The following CFAP44 variants were observed in gnomAD, a reference collection of about 807,000 sequenced individuals.
CFAP44 encodes the protein cilia and flagella associated protein 44.
CFAP44 carries 134 observed loss-of-function variants against 216.2 expected under a neutral mutation model. The observed-to-expected ratio is 0.62, with a 90% CI of 0.54 to 0.72. The LOEUF (loss-of-function observed/expected upper bound fraction) is 0.72, where lower values mean the gene tolerates loss of function less well. Ranked by LOEUF, CFAP44 falls within the 30% of genes least tolerant of loss-of-function variation. The pLI, the probability that CFAP44 is intolerant of heterozygous loss-of-function variation, is 0.00. For missense variants in CFAP44, 2,035 were observed against 2,182.1 expected, an observed-to-expected ratio of 0.93 and a Z score of 1.34; for synonymous variants, 700 against 727.6, an observed-to-expected ratio of 0.96 and a Z score of 0.61.
At chr3:113,422,362 A>G (rs1212954770) in intron 4 of CFAP44, among the ~76,000 whole-genome samples, 1 of 152,214 alleles carries the variant, frequency 6.6e-6, no homozygotes, top group African/African-American at 2.4e-5. Context: ...CAAGAAGAAA[A>G]TGTAGAATGT....
In CFAP44 at chr3:113,406,920, T is replaced by A; in HGVS notation, c.1005+7A>T. On this transcript the variant is annotated splice_region_variant and intron_variant, in intron 8 of 34. Coordinates refer to ENST00000393845, the MANE Select transcript of CFAP44 (RefSeq NM_001164496.2). Reference sequence around the variant, plus strand: ...TTTTAATATTGTAGAATAGTAGCTGTACTCACCTTCCCATCTGGGAGCTCC... The same window carrying A: ...TTTTAATATTGTAGAATAGTAGCTGAACTCACCTTCCCATCTGGGAGCTCC... 1 of 1,599,980 alleles carries A rather than the reference T, an allele frequency of 6.3e-7. No homozygotes were observed. The highest frequency in any genetic ancestry group is 8.6e-7 in the Non-Finnish European group (1 of 1,167,184).
chr3:113,429,054 A>C (rs1935035586), intron 2 of CFAP44: 1 of 152,166 alleles, frequency 6.6e-6, no homozygotes, highest in African/African-American at 2.4e-5. Flanking sequence ...GCACATACAG[A>C]AAAATCCGTA....
chr3:113,400,442 T>C (rs1447879083), intron 12 of CFAP44, 103 bp downstream of exon 12: 7 of 1,031,666 alleles, frequency 6.8e-6, no homozygotes, highest in South Asian at 2.4e-5. Context: ...GCTCCCCTTT[T>C]GGGAAAATCC....
chr3:113,382,974 G>T (rs1381341607), intron 15 of CFAP44, among the ~76,000 whole-genome samples: 1 of 152,234 alleles, frequency 6.6e-6, no homozygotes, highest in African/African-American at 2.4e-5. Context: ...CGATTTCATG[G>T]ATTATGTCCA....
chr3:113,307,333 A>T (rs1172009924), intron 29 of CFAP44, among the ~76,000 whole-genome samples: 1 of 152,228 alleles, frequency 6.6e-6, no homozygotes, highest in Non-Finnish European at 1.5e-5. Context: ...ATCAACTGTC[A>T]ATTGTCTGCA....
chr3:113,341,603 T>C, intron 24 of CFAP44, 141 bp downstream of exon 24: 1 of 1,015,798 alleles, frequency 9.8e-7, no homozygotes, highest in Non-Finnish European at 1.3e-6. Context: ...GACCTGTTTA[T>C]AATATCTCCT....
intron 17 of CFAP44, among the ~76,000 whole-genome samples, chr3:113,378,103 T>C (rs975087957): frequency 2.6e-5 from 4 of 152,164 alleles, no homozygotes; most frequent in Non-Finnish European, 1.5e-5. Flanking sequence ...CTCGAACTCT[T>C]GGGCTCAAGC....
chr3:113,314,504 C>T (rs1173637109), intron 28 of CFAP44, among the ~76,000 whole-genome samples: 1 of 152,096 alleles, frequency 6.6e-6, no homozygotes, highest in Non-Finnish European at 1.5e-5. Context: ...TTGTCACCAG[C>T]ATGCCTATCC....
At chr3:113,404,089 G>T in intron 8 of CFAP44, 73 bp from the exon 9 acceptor site, 1 of 1,370,266 alleles carries the variant, frequency 7.3e-7, no homozygotes. Flanking sequence ...CAAATAGTAG[G>T]TGAAAATTAT....
At chr3:113,384,391 T>C (rs182128817) in intron 15 of CFAP44, among the ~76,000 whole-genome samples, 1 of 151,994 alleles carries the variant, frequency 6.6e-6, no homozygotes, top group Non-Finnish European at 1.5e-5. Context: ...TGAGCTCTTA[T>C]AGTTGTTATG....
At chr3:113,320,452 TTACATCTATATATC>T (rs1221765229) in intron 28 of CFAP44, among the ~76,000 whole-genome samples, 1 of 112,556 alleles carries the variant, frequency 8.9e-6, no homozygotes, top group African/African-American at 3.2e-5. Context: ...ATGATATATA[TTACATCTATATATC>T]ATATATGATA....
chr3:113,433,767 G>T, intron 1 of CFAP44, 98 bp from the exon 2 acceptor site: 2 of 943,310 alleles, frequency 2.1e-6, no homozygotes, highest in Non-Finnish European at 3.4e-6. Context: ...AACACCATGT[G>T]TGTCAATAAT....
chr3:113,291,505 C>T lies in CFAP44; in HGVS notation c.*52G>A. On this transcript the variant is annotated 3_prime_UTR_variant, in exon 35 of 35. Coordinates refer to ENST00000393845, the MANE Select transcript of CFAP44 (RefSeq NM_001164496.2). ...TGTTGGAGGTGATGAGGAGACAGAA[C>T]TTCCAGTGAGTTATGTCAGAAATCT... The T allele has an allele frequency of 6.6e-7, 1 of 1,513,750 alleles. No individual in the cohort carries two copies. The highest frequency in any genetic ancestry group is 1.7e-4 in the Middle Eastern group (1 of 5,884). The allele number at this position is 1,513,750 out of a possible 1,614,324, so 93.8% of individuals were successfully genotyped here.
At chr3:113,335,290 C>T (rs1290135107) in intron 24 of CFAP44, among the ~76,000 whole-genome samples, 1 of 152,122 alleles carries the variant, frequency 6.6e-6, no homozygotes, top group Admixed American at 6.5e-5. Flanking sequence ...TCCTGGCTGC[C>T]GCAGAGAGGA....
chr3:113,414,916 G>C (rs543924015), intron 6 of CFAP44, among the ~76,000 whole-genome samples: 19 of 152,226 alleles, frequency 1.2e-4, no homozygotes, highest in African/African-American at 4.6e-4. Context: ...CAAATGTCTG[G>C]AATAGTTTCA....
intron 26 of CFAP44, among the ~76,000 whole-genome samples, chr3:113,328,206 T>C (rs1248872997): frequency 6.6e-6 from 1 of 151,426 alleles, no homozygotes; most frequent in Non-Finnish European, 1.5e-5. Flanking sequence ...TAAATACGTT[T>C]CCCAACTTCT....
intron 2 of CFAP44, chr3:113,432,312 T>TA (rs1469405351): frequency 6.6e-6 from 1 of 152,222 alleles, no homozygotes; most frequent in Non-Finnish European, 1.5e-5. Context: ...TTCTGTTCTA[T>TA]AAACCCAGAT....
intron 17 of CFAP44, among the ~76,000 whole-genome samples, chr3:113,375,512 A>G (rs1007798985): frequency 6.6e-6 from 1 of 152,234 alleles, no homozygotes; most frequent in African/African-American, 2.4e-5. Flanking sequence ...AGGATGTAAT[A>G]CACATAAAGT....
Position 113,316,950 on chromosome 3 carries a change from G to A in CFAP44, c.4517-8682C>T, listed in dbSNP as rs79712089. 8.6e-3 allele frequency among the ~76,000 whole-genome samples: 1,298 copies of A among 151,654 alleles called. 15 individuals are homozygous for A. Among genetic ancestry groups the A allele is most frequent in the African/African-American group, 0.024 (978 of 41,356 alleles). ...AGGAAGTGCCACTCCCACTGAGAGA[G>A]CCTAAATTATGGAGTAAACCACCAT... On this transcript the variant is annotated intron_variant, in intron 28 of 34. Transcript: ENST00000393845.
Sources: gnomAD v4.1 joint callset for allele counts (sites outside exome capture counted in the v4.1 genomes callset) on GRCh38, gnomAD v4.1.1 for gene constraint, MANE v1.5 for transcripts, NCBI Gene and HGNC (gene_info 2026-07-23, HGNC 2026-07-21) for gene names.